KLK2: variants seen among roughly 807,000 people sequenced by gnomAD.
KLK2 encodes kallikrein-2.
A neutral mutation model predicts 23.0 loss-of-function variants in KLK2; 17 were observed. That is an observed-to-expected ratio of 0.74 (90% CI 0.51 to 1.11). The LOEUF is 1.11. Ranked by LOEUF, KLK2 falls within the 50% of genes least tolerant of loss-of-function variation. KLK2 has a pLI of 0.00. For synonymous variants in KLK2, 140 were observed against 124.7 expected (o/e 1.12, Z -0.82); for missense variants, 330 against 325.9 (o/e 1.01, Z -0.10).
chr19:50,878,400 T>C lies in KLK2; in HGVS notation c.631-4T>C. On this transcript the variant is annotated splice_polypyrimidine_tract_variant and splice_region_variant and intron_variant, in intron 4 of 4. Transcript: ENST00000325321. ...TCACTGTGTCTCTCCTCCTTTACCC[T>C]TAGGGTGATTCTGGGGGTCCACTTG... 6.2e-7 allele frequency: 1 copy of C among 1,612,092 alleles called. No individual in the cohort carries two copies. The highest frequency in any genetic ancestry group is 8.5e-7 in the Non-Finnish European group (1 of 1,178,598).
chr19:50,878,655 A>C lies in KLK2; in HGVS notation c.*96A>C. On this transcript the variant is annotated 3_prime_UTR_variant, in exon 5 of 5. Coordinates refer to ENST00000325321, the MANE Select transcript of KLK2 (RefSeq NM_005551.5). ...TGGATGCTGGACACCTGAAGCTTGG[A>C]ACTCACCTGGCCGAAGCTCGAGCCT... 1 of 1,289,300 alleles carries C rather than the reference A, an allele frequency of 7.8e-7. No individual in the cohort carries two copies. Among genetic ancestry groups the C allele is most frequent in the Non-Finnish European group, 1.1e-6 (1 of 909,320 alleles). 79.9% of individuals were successfully genotyped at this position (1,289,300 alleles called of 1,614,324 possible). A position where few individuals can be genotyped will look rare whatever the true frequency, so the allele number is the denominator to read the frequency against.
chr19:50,875,730 G>C (rs198971), intron 2 of KLK2: 79,888 of 152,594 alleles, frequency 0.52, 22,147 homozygotes, highest in Non-Finnish European at 0.61. Context: ...ACCCGGGAGG[G>C]AGAGGTTGCA....
chr19:50,874,634 C>T (rs1568502211), intron 1 of KLK2, 87 bp from the exon 2 acceptor site: 1 of 1,141,034 alleles, frequency 8.8e-7, no homozygotes, highest in East Asian at 2.5e-5. Flanking sequence ...TCCTCTGCCC[C>T]CATGTCTCTT....
rs759526587 is a variant in KLK2 at position 50,876,893 on chromosome 19, A to G, written c.515A>G (p.Gln172Arg). 10 of 1,613,986 alleles carry G rather than the reference A, an allele frequency of 6.2e-6. No homozygotes were observed. Among genetic ancestry groups the G allele is most frequent in the Admixed American group, 5.0e-5 (3 of 59,994 alleles). ...ATAGTCTTGCGCCCCAGGAGTCTTC[A>G]GTGTGTGAGCCTCCATCTCCTGTCC... ...PEEFLRPRSLQCVSLHLLSND... is the reference protein window; with the variant it reads ...PEEFLRPRSLRCVSLHLLSND... The change falls in exon 4 of 5, where the codon CAG becomes CGG. Residue 172 changes from glutamine to arginine, a missense_variant. Transcript: ENST00000325321.
rs747887069 is a variant in KLK2 at position 50,874,933 on chromosome 19, A to G, written c.206+53A>G. The G allele has an allele frequency of 4.4e-6, 7 of 1,579,814 alleles. No homozygotes were observed. In the South Asian group the frequency reaches 5.8e-5, roughly 13 times the overall value. ...GGAATGGCTGTGTCCCACAGGAATA[A>G]CAGCGGGATGCTTCCCCCAGGGTCA... On this transcript the variant is annotated intron_variant, in intron 2 of 4. Coordinates refer to ENST00000325321, the MANE Select transcript of KLK2 (RefSeq NM_005551.5).
Position 50,876,539 on chromosome 19 carries a change from G to A in KLK2, c.274G>A (p.Val92Ile), listed in dbSNP as rs1026540260. The change falls in exon 3 of 5, where the codon GTC becomes ATC. Residue 92 changes from valine to isoleucine, a missense_variant. Transcript: ENST00000325321. ...TGAAGACACAGGCCAGAGGGTCCCT[G>A]TCAGCCACAGCTTCCCACACCCGCT... ...EPEDTGQRVP[V>I]SHSFPHPLYN... 6.2e-7 allele frequency: 1 copy of A among 1,614,008 alleles called. No individual in the cohort carries two copies. Among genetic ancestry groups the A allele is most frequent in the African/African-American group, 1.3e-5 (1 of 74,896 alleles).
intron 1 of KLK2, 29 bp downstream of exon 1, chr19:50,873,548 G>A (rs368057223): frequency 8.6e-7 from 1 of 1,161,014 alleles, no homozygotes. Flanking sequence ...AGGAAGGGGG[G>A]CGGGTTCTGA....
chr19:50,874,807 C>T lies in KLK2; in HGVS notation c.133C>T (p.His45Tyr). The change falls in exon 2 of 5, where the codon CAT (histidine) becomes TAT (tyrosine). Residue 45 changes from histidine to tyrosine, a missense_variant. Coordinates refer to ENST00000325321, the MANE Select transcript of KLK2 (RefSeq NM_005551.5). ...ACCCTGGCAGGTGGCTGTGTACAGTCATGGATGGGCACACTGTGGGGGTGT... is the reference window on the plus strand; with the variant it reads ...ACCCTGGCAGGTGGCTGTGTACAGTTATGGATGGGCACACTGTGGGGGTGT... The part of the protein sequence containing the change: ...SQPWQVAVYS[H>Y]GWAHCGGVLV... 8 of 1,613,840 alleles carry T rather than the reference C, an allele frequency of 5.0e-6. No homozygotes were observed. The highest frequency in any genetic ancestry group is 6.8e-6 in the Non-Finnish European group (8 of 1,179,948).
Position 50,878,555 on chromosome 19 carries a change from CCT to C in KLK2, c.783_784del (p.Ter262SerfsTer75), listed in dbSNP as rs372001120. ...ATCAAGGACACCATCGCAGCCAACC[CCT>C]GAGTGCCCCTGTCCCACCCCTACCT... is the stretch of plus-strand genomic sequence containing the variant. On this transcript the variant is annotated frameshift_variant and stop_lost, in exon 5 of 5. Coordinates refer to ENST00000325321, the MANE Select transcript of KLK2 (RefSeq NM_005551.5). LOFTEE classifies it high-confidence loss of function. 3.8e-5 allele frequency: 62 copies of C among 1,612,690 alleles called. No homozygotes were observed. The African/African-American group carries it at 4.9e-4, about 13-fold the overall frequency.
chr19:50,876,433 T>C (rs752560381), intron 2 of KLK2, 39 bp from the exon 3 acceptor site: 8 of 1,598,550 alleles, frequency 5.0e-6, no homozygotes, highest in South Asian at 2.2e-5. Context: ...CCTTTCCCCA[T>C]TTTCTCTCTC....
rs1191355079 is a variant in KLK2 at position 50,879,822 on chromosome 19, GA to G, written c.*1265del. ...AGGCACTTGGGCAGAACATGCCAAGGAATCAAATGTCATCTCCCAGGAGTTA... is the reference window on the plus strand; with the variant it reads ...AGGCACTTGGGCAGAACATGCCAAGGATCAAATGTCATCTCCCAGGAGTTA... On this transcript the variant is annotated 3_prime_UTR_variant, in exon 5 of 5. Coordinates refer to ENST00000325321, the MANE Select transcript of KLK2 (RefSeq NM_005551.5). 4.4e-6 allele frequency: 1 copy of G among 229,702 alleles called. No homozygotes were observed. The highest frequency in any genetic ancestry group is 8.6e-6 in the Non-Finnish European group (1 of 115,876). The allele number at this position is 229,702 out of a possible 1,614,324, so 14.2% of individuals were successfully genotyped here.
At position 50,878,893 on chromosome 19, in the gene KLK2, TGGG is replaced by T. The variant is rs2090316346; in HGVS notation, c.*335_*337del. On this transcript the variant is annotated 3_prime_UTR_variant, in exon 5 of 5. Coordinates refer to ENST00000325321, the MANE Select transcript of KLK2 (RefSeq NM_005551.5). ...CCATGTTGTTTGTGGGGTGCAGAGA[TGGG>T]AGGGGTGGGGCCCACCCTGGAAGAG... is the stretch of plus-strand genomic sequence containing the variant. 6.9e-6 allele frequency: 2 copies of T among 290,896 alleles called. No individual in the cohort carries two copies. Among genetic ancestry groups the T allele is most frequent in the South Asian group, 1.8e-4 (2 of 10,958 alleles). The allele number at this position is 290,896 out of a possible 1,614,324, so 18.0% of individuals were successfully genotyped here.
Position 50,879,465 on chromosome 19 carries a change from G to T in KLK2, c.*906G>T. On this transcript the variant is annotated 3_prime_UTR_variant, in exon 5 of 5. Coordinates refer to ENST00000325321, the MANE Select transcript of KLK2 (RefSeq NM_005551.5). Reference sequence around the variant, plus strand: ...TAGCCAGGTGGGGGCCTTTCCCTTTGGATGGGGGGCATATCTGACAGTTAT... The same window carrying T: ...TAGCCAGGTGGGGGCCTTTCCCTTTTGATGGGGGGCATATCTGACAGTTAT... 1.7e-5 allele frequency: 4 copies of T among 232,376 alleles called. No homozygotes were observed. The highest frequency in any genetic ancestry group is 2.6e-5 in the Non-Finnish European group (3 of 117,628). The allele number at this position is 232,376 out of a possible 1,614,324, so 14.4% of individuals were successfully genotyped here. A position where few individuals can be genotyped will look rare whatever the true frequency, so the allele number is the denominator to read the frequency against.
intron 2 of KLK2, chr19:50,876,173 G>C (rs1189370363): frequency 4.8e-6 from 2 of 418,574 alleles, no homozygotes; most frequent in Non-Finnish European, 8.6e-6. Context: ...TGCTGTCTCT[G>C]TCTCTTCTTT....
Position 50,880,194 on chromosome 19 carries a change from T to C in KLK2, c.*1635T>C, listed in dbSNP as rs1332965124. On this transcript the variant is annotated 3_prime_UTR_variant, in exon 5 of 5. Coordinates refer to ENST00000325321, the MANE Select transcript of KLK2 (RefSeq NM_005551.5). ...CGGAGATATGAGATCAACAGTTTCT[T>C]AGCCATAGAGATTCACAGCCCAGAG... 3 of 230,210 alleles carry C rather than the reference T, an allele frequency of 1.3e-5. No homozygotes were observed. Among genetic ancestry groups the C allele is most frequent in the African/African-American group, 2.2e-5 (1 of 45,150 alleles). 14.3% of individuals were successfully genotyped at this position (230,210 alleles called of 1,614,324 possible).
chr19:50,874,643 T>C, intron 1 of KLK2, 78 bp from the exon 2 acceptor site: 1 of 1,364,740 alleles, frequency 7.3e-7, no homozygotes, highest in South Asian at 1.4e-5. Context: ...CCCATGTCTC[T>C]TCAAACCCAC....
At position 50,880,392 on chromosome 19, in the gene KLK2, A is replaced by C. The variant is rs1600023625; in HGVS notation, c.*1833A>C. On this transcript the variant is annotated 3_prime_UTR_variant, in exon 5 of 5. Transcript: ENST00000325321. ...TTACTAAGTTTTGAGACTGGCAGGT[A>C]GTGAAACTCATTAGGCTGAGAACCT... 4.5e-6 allele frequency: 1 copy of C among 221,080 alleles called. No individual in the cohort carries two copies. The highest frequency in any genetic ancestry group is 6.6e-5 in the East Asian group (1 of 15,212). 13.7% of individuals were successfully genotyped at this position (221,080 alleles called of 1,614,324 possible).
At chr19:50,875,481 G>GGAAGGA (rs909770384) in intron 2 of KLK2, among the ~76,000 whole-genome samples, 1 of 152,180 alleles carries the variant, frequency 6.6e-6, no homozygotes, top group Non-Finnish European at 1.5e-5. Flanking sequence ...TGAGGAGGGA[G>GGAAGGA]GAAGGAGAAG....
At chr19:50,877,159 T>TC in intron 4 of KLK2, 151 bp downstream of exon 4, 1 of 903,898 alleles carries the variant, frequency 1.1e-6, no homozygotes, top group Non-Finnish European at 1.7e-6. Context: ...CCGCCCTCCT[T>TC]CCCCCTTCCC....
Sources: gnomAD v4.1 joint callset for allele counts (sites outside exome capture counted in the v4.1 genomes callset) on GRCh38, gnomAD v4.1.1 for gene constraint, MANE v1.5 for transcripts, NCBI Gene and HGNC (gene_info 2026-07-23, HGNC 2026-07-21) for gene names.